NUGGC: variants seen among roughly 807,000 people sequenced by gnomAD.
NUGGC encodes the protein nuclear GTPase, germinal center associated.
A neutral mutation model predicts 92.6 loss-of-function variants in NUGGC; 58 were observed. That is an observed-to-expected ratio of 0.63 (90% CI 0.51 to 0.78). The LOEUF (loss-of-function observed/expected upper bound fraction) is 0.78. Among genes scored for constraint, NUGGC ranks in the 30% least tolerant of loss-of-function variants. NUGGC has a pLI of 0.00. For synonymous variants in NUGGC, 376 were observed against 366.4 expected (o/e 1.03, Z -0.30); for missense variants, 925 against 964.6 (o/e 0.96, Z 0.54).
At chr8:28,046,478 G>T (rs545099421) in intron 11 of NUGGC, among the ~76,000 whole-genome samples, 2 of 152,236 alleles carry the variant, frequency 1.3e-5, no homozygotes, top group Admixed American at 1.3e-4. Flanking sequence ...TGCACTCATG[G>T]TCAGCAACAA....
intron 4 of NUGGC, among the ~76,000 whole-genome samples, chr8:28,068,888 C>T (rs1563230481): frequency 6.6e-6 from 1 of 152,130 alleles, no homozygotes; most frequent in Admixed American, 6.5e-5. Context: ...AGGCGTGCTC[C>T]ATGACGCCTG....
At chr8:28,043,419 C>T (rs929864264) in intron 12 of NUGGC, among the ~76,000 whole-genome samples, 1 of 152,152 alleles carries the variant, frequency 6.6e-6, no homozygotes, top group African/African-American at 2.4e-5. Flanking sequence ...CAATCACACA[C>T]ATATTTAGAT....
In NUGGC at chr8:28,055,966, T is replaced by G; in HGVS notation, c.1205A>C (p.Lys402Thr). ...QRTRILKEKL[K>T]RKLPADFKVL... ...ACATAGAGAAACCTATTAACTCACC[T>G]TCAGTTTTTCCTTGAGAATTCTAGT... is the stretch of plus-strand genomic sequence containing the variant. Residue 402 changes from lysine to threonine, a missense_variant and splice_region_variant, in exon 10 of 19, where the codon AAG (lysine) becomes ACG (threonine). Transcript: ENST00000413272. The G allele has an allele frequency of 6.7e-7, 1 of 1,491,284 alleles. No homozygotes were observed. Among genetic ancestry groups the G allele is most frequent in the African/African-American group, 1.4e-5 (1 of 72,434 alleles). 92.4% of individuals were successfully genotyped at this position (1,491,284 alleles called of 1,614,324 possible).
chr8:28,045,551 ACTAT>A lies in NUGGC; in HGVS notation c.1418_1421del (p.Asp473ValfsTer15). ...CCGGCAGGTTTTGCGTGGAGTTGAA[ACTAT>A]CTGTGAGGAGCAACAGGCCAAAGGC... is the stretch of plus-strand genomic sequence containing the variant. On this transcript the variant is annotated frameshift_variant, in exon 12 of 19. Transcript: ENST00000413272. LOFTEE classifies it high-confidence loss of function. 1 of 1,612,462 alleles carries A rather than the reference ACTAT, an allele frequency of 6.2e-7. No homozygotes were observed. Among genetic ancestry groups the A allele is most frequent in the Non-Finnish European group, 8.5e-7 (1 of 1,179,688 alleles).
chr8:28,083,022 T>C (rs567018870), intron 1 of NUGGC, among the ~76,000 whole-genome samples: 8 of 152,300 alleles, frequency 5.3e-5, no homozygotes, highest in African/African-American at 1.9e-4. Flanking sequence ...AAATGTCCCA[T>C]ATACAGAAGA....
In NUGGC at chr8:28,045,267, A is replaced by T. The variant is rs1233193148; in HGVS notation, c.1446+260T>A. ...ACACATTCCACCTTGTTCGAGTCTC[A>T]GGAGAGTTGGAAAATAGCTACTATT... On this transcript the variant is annotated intron_variant, in intron 12 of 18. Coordinates refer to ENST00000413272, the MANE Select transcript of NUGGC (RefSeq NM_001010906.2). Among the ~76,000 whole-genome samples, 4 of 152,316 alleles carry T rather than the reference A, an allele frequency of 2.6e-5. No individual in the cohort carries two copies. In the East Asian group the frequency reaches 7.7e-4, roughly 29 times the overall value.
chr8:28,064,694 C>T lies in NUGGC; in HGVS notation c.749G>A (p.Arg250His), dbSNP rs567570205. Residue 250 changes from arginine (R) to histidine (H), a missense_variant, in exon 7 of 19, where the codon CGC becomes CAC. Coordinates refer to ENST00000413272, the MANE Select transcript of NUGGC (RefSeq NM_001010906.2). The stretch of plus-strand genomic sequence containing the variant: ...TCCATCCCAATCTCTCCTCTGTGTG[C>T]GGATGTAGGGGTCCAGCTTGATGGA... ...ELSIKLDPYI[R>H]TQRRDWDGEA... The T allele has an allele frequency of 4.3e-6, 7 of 1,613,948 alleles. No individual in the cohort carries two copies. The highest frequency in any genetic ancestry group is 4.2e-6 in the Non-Finnish European group (5 of 1,179,872).
At chr8:28,028,995 C>T (rs1809341272) in intron 17 of NUGGC, among the ~76,000 whole-genome samples, 1 of 152,116 alleles carries the variant, frequency 6.6e-6, no homozygotes, top group African/African-American at 2.4e-5. Context: ...AATGATAGTA[C>T]CTACCTCACA....
chr8:28,029,484 C>A (rs915956943), intron 16 of NUGGC, 82 bp from the exon 17 acceptor site: 2 of 1,496,290 alleles, frequency 1.3e-6, no homozygotes, highest in Admixed American at 1.9e-5. Flanking sequence ...CATGGTGGCT[C>A]ACACCTGTAA....
In NUGGC at chr8:28,067,666, A is replaced by G. The variant is rs1585596110; in HGVS notation, c.559T>C (p.Trp187Arg). The G allele has an allele frequency of 6.2e-7, 1 of 1,613,930 alleles. No homozygotes were observed. The highest frequency in any genetic ancestry group is 1.3e-5 in the African/African-American group (1 of 75,036). Residue 187 changes from tryptophan to arginine, a missense_variant, in exon 6 of 19, where the codon TGG becomes CGG. Physicochemically the swap from Trp to Arg is moderately radical, Grantham distance 101. Coordinates refer to ENST00000413272, the MANE Select transcript of NUGGC (RefSeq NM_001010906.2). Reference protein sequence around the residue: ...EELSREEADAWNRDEAVEEAT... With the variant: ...EELSREEADARNRDEAVEEAT... Reference sequence around the variant, plus strand: ...TCCTCCACTGCCTCATCCCTGTTCCACGCATCTGCCTCTTCTCTGCTCAGC... The same window carrying G: ...TCCTCCACTGCCTCATCCCTGTTCCGCGCATCTGCCTCTTCTCTGCTCAGC...
At position 28,047,503 on chromosome 8, in the gene NUGGC, T is replaced by C. The variant is rs574073374; in HGVS notation, c.1312+4A>G. The C allele has an allele frequency of 2.8e-5, 42 of 1,519,812 alleles. No individual in the cohort carries two copies. Among genetic ancestry groups the C allele is most frequent in the Non-Finnish European group, 3.8e-5 (42 of 1,119,094 alleles). 94.1% of individuals were successfully genotyped at this position (1,519,812 alleles called of 1,614,324 possible). A position where few individuals can be genotyped will look rare whatever the true frequency, so the allele number is the denominator to read the frequency against. On this transcript the variant is annotated splice_donor_region_variant and intron_variant, in intron 11 of 18. Coordinates refer to ENST00000413272, the MANE Select transcript of NUGGC (RefSeq NM_001010906.2). ...GTGATGGAGATTTAAAAAACATAAA[T>C]TACCCGTTTCCTCCTCGGTGAGGAG...
intron 11 of NUGGC, among the ~76,000 whole-genome samples, chr8:28,045,985 C>T (rs1417899296): frequency 1.3e-5 from 2 of 152,148 alleles, no homozygotes; most frequent in Admixed American, 1.3e-4. Flanking sequence ...AACCAAAGTG[C>T]TCGGAATTCT....
intron 15 of NUGGC, among the ~76,000 whole-genome samples, chr8:28,030,769 A>G (rs1021356392): frequency 6.6e-6 from 1 of 152,194 alleles, no homozygotes; most frequent in African/African-American, 2.4e-5. Flanking sequence ...GTGGCACTGG[A>G]AGAAAGTGGG....
chr8:28,045,715 T>C (rs1809815468), intron 11 of NUGGC, 55 bp from the exon 12 acceptor site: 9 of 1,567,872 alleles, frequency 5.7e-6, no homozygotes, highest in Admixed American at 1.9e-5. Context: ...TTGTGGTCAA[T>C]AGAATTCATA....
intron 1 of NUGGC, among the ~76,000 whole-genome samples, chr8:28,082,868 T>C (rs1054882573): frequency 3.3e-5 from 5 of 152,138 alleles, no homozygotes; most frequent in Non-Finnish European, 7.4e-5. Flanking sequence ...TTCATACCAC[T>C]GCACTCCAGC....
intron 13 of NUGGC, among the ~76,000 whole-genome samples, chr8:28,038,693 A>G (rs1417642713): frequency 2.0e-5 from 3 of 152,200 alleles, no homozygotes; most frequent in African/African-American, 7.2e-5. Flanking sequence ...GGATTTATAG[A>G]TGTTAAACTA....
intron 7 of NUGGC, among the ~76,000 whole-genome samples, chr8:28,061,905 A>C (rs144425385): frequency 6.6e-6 from 1 of 152,176 alleles, no homozygotes; most frequent in Non-Finnish European, 1.5e-5. Flanking sequence ...AAATGTCAAG[A>C]GTTTGAGAAA....
At chr8:28,075,462 T>C (rs755233542) in intron 1 of NUGGC, among the ~76,000 whole-genome samples, 8 of 152,226 alleles carry the variant, frequency 5.3e-5, no homozygotes, top group Non-Finnish European at 1.0e-4. Context: ...GGGTAGAATC[T>C]GCTAGCCTGG....
At chr8:28,080,615 A>G (rs1166673276) in intron 1 of NUGGC, among the ~76,000 whole-genome samples, 1 of 152,228 alleles carries the variant, frequency 6.6e-6, no homozygotes, top group Non-Finnish European at 1.5e-5. Flanking sequence ...TGAATGAATG[A>G]TGATAGATAT....
Sources: allele counts gnomAD v4.1 joint callset (sites outside exome capture counted in the v4.1 genomes callset), GRCh38; gene constraint gnomAD v4.1.1; transcripts MANE v1.5; gene names NCBI Gene and HGNC (gene_info 2026-07-23, HGNC 2026-07-21).